Variants in SGCD observed in about 807,000 individuals in gnomAD.
SGCD encodes delta-sarcoglycan.
In SGCD, 18 loss-of-function variants were observed where a neutral mutation model predicts 36.6. The ratio of observed to expected loss-of-function variants is 0.49; its 90% CI spans 0.34 to 0.73. SGCD has a LOEUF of 0.73. SGCD is among the 30% of genes least tolerant of loss of function. The probability of loss-of-function intolerance (pLI) is 0.01; values close to 1 mark genes in which losing one functional copy is unlikely to be tolerated. For missense variants in SGCD, 387 were observed against 346.7 expected (o/e 1.12, Z -0.92); for synonymous variants, 133 against 130.6 (o/e 1.02, Z -0.12).
intron 7 of SGCD, among the ~76,000 whole-genome samples, chr5:156,650,367 G>T (rs545192594): frequency 5.9e-4 from 90 of 152,176 alleles, no homozygotes; most frequent in African/African-American, 2.1e-3. Flanking sequence ...TAGATTCAGG[G>T]ATACACACGC....
chr5:156,557,995 C>T (rs1322547108), intron 4 of SGCD, among the ~76,000 whole-genome samples: 1 of 148,734 alleles, frequency 6.7e-6, no homozygotes, highest in African/African-American at 2.5e-5. Flanking sequence ...TTTTGTATTC[C>T]CAGTGCCTAA....
At chr5:156,301,789 A>T (rs2127684772) in intron 3 of SGCD, among the ~76,000 whole-genome samples, 1 of 151,650 alleles carries the variant, frequency 6.6e-6, no homozygotes, top group African/African-American at 2.4e-5. Flanking sequence ...ATTCTAGGAT[A>T]AAAGTTTTTT....
intron 3 of SGCD, among the ~76,000 whole-genome samples, chr5:156,363,445 T>C (rs997194580): frequency 2.0e-5 from 3 of 152,214 alleles, no homozygotes; most frequent in Admixed American, 6.5e-5. Context: ...AATATGATTT[T>C]GGTATGCTCT....
At chr5:156,690,090 A>G (rs157332) in intron 7 of SGCD, among the ~76,000 whole-genome samples, 139,587 of 152,272 alleles carry the variant, frequency 0.92, 64,159 homozygotes, top group East Asian at 0.99. Flanking sequence ...TGTCTTCCAG[A>G]CACTGTCCTA....
Position 156,520,189 on chromosome 5 carries a change from T to C in SGCD, c.294+11487T>C, listed in dbSNP as rs560811398. On this transcript the variant is annotated intron_variant, in intron 4 of 8. Coordinates refer to ENST00000337851, the MANE Select transcript of SGCD (RefSeq NM_000337.6). ...AAAGTCTCAAGATACAAAATCAATG[T>C]GCAAAAATCACGAGCATTCCTATAC... Among the ~76,000 whole-genome samples the C allele has an allele frequency of 5.3e-5, 8 of 152,318 alleles. No individual in the cohort carries two copies. In the South Asian group the frequency reaches 1.7e-3, roughly 32 times the overall value.
At chr5:156,517,433 G>C (rs958177957) in intron 4 of SGCD, among the ~76,000 whole-genome samples, 1 of 152,128 alleles carries the variant, frequency 6.6e-6, no homozygotes, top group African/African-American at 2.4e-5. Flanking sequence ...ATATCATCCA[G>C]GAGAACTTCC....
intron 3 of SGCD, among the ~76,000 whole-genome samples, chr5:156,375,206 T>A (rs1580892990): frequency 6.6e-6 from 1 of 152,140 alleles, no homozygotes; most frequent in East Asian, 1.9e-4. Flanking sequence ...ATGTGCTTTT[T>A]AAAAAACGAT....
chr5:156,210,670 GA>G (rs1001412930), intron 3 of SGCD, among the ~76,000 whole-genome samples: 8 of 150,370 alleles, frequency 5.3e-5, no homozygotes, highest in East Asian at 3.9e-4. Context: ...TTAATGAAAT[GA>G]AAAAAAATGC....
chr5:156,248,760 T>TG (rs1765502935), intron 3 of SGCD, among the ~76,000 whole-genome samples: 2 of 152,298 alleles, frequency 1.3e-5, no homozygotes, highest in African/African-American at 4.8e-5. Context: ...CAGGAGGCAA[T>TG]GCAAGTTCCT....
intron 1 of SGCD, among the ~76,000 whole-genome samples, chr5:156,061,919 CTTT>C (rs757769130): frequency 0.016 from 1,147 of 71,734 alleles, 47 homozygotes; most frequent in African/African-American, 0.045. Context: ...GGAGTTTTCA[CTTT>C]TTTTTTTTTT....
chr5:156,396,550 C>T (rs923187728), intron 3 of SGCD, among the ~76,000 whole-genome samples: 4 of 152,092 alleles, frequency 2.6e-5, no homozygotes, highest in Non-Finnish European at 5.9e-5. Context: ...GGATGCTGAG[C>T]TTTCTGCCAA....
At chr5:156,190,549 T>C (rs752953060) in intron 3 of SGCD, among the ~76,000 whole-genome samples, 1 of 152,202 alleles carries the variant, frequency 6.6e-6, no homozygotes, top group Non-Finnish European at 1.5e-5. Context: ...ATATCTGCTA[T>C]TATTCCTGCT....
intron 3 of SGCD, among the ~76,000 whole-genome samples, chr5:156,410,925 A>G (rs2127769485): frequency 6.6e-6 from 1 of 152,298 alleles, no homozygotes; most frequent in Admixed American, 6.5e-5. Context: ...AAATGAAAAA[A>G]AAACATACAA....
intron 1 of SGCD, among the ~76,000 whole-genome samples, chr5:155,908,566 C>A (rs62380664): frequency 0.073 from 11,128 of 152,110 alleles, 581 homozygotes; most frequent in Middle Eastern, 0.14. Context: ...CAAGTGATAG[C>A]GAGATTTTTG....
At chr5:155,767,358 G>A in the SGCD span, among the ~76,000 whole-genome samples, 42 of 152,290 alleles carry the variant, frequency 2.8e-4, no homozygotes, top group Non-Finnish European at 5.6e-4. Context: ...CATTGCATCC[G>A]CTTCTCACCC....
intron 1 of SGCD, among the ~76,000 whole-genome samples, chr5:156,020,059 T>G (rs1407825390): frequency 1.3e-5 from 2 of 152,224 alleles, no homozygotes; most frequent in Admixed American, 6.5e-5. Context: ...AGATTTTCCA[T>G]GTCACTTGCC....
chr5:156,569,038 A>G (rs1020184472), intron 4 of SGCD, among the ~76,000 whole-genome samples: 1 of 152,158 alleles, frequency 6.6e-6, no homozygotes, highest in African/African-American at 2.4e-5. Context: ...CTGGATCTGA[A>G]CATTGTATTC....
At chr5:155,733,557 C>A in the SGCD span, among the ~76,000 whole-genome samples, 3 of 152,034 alleles carry the variant, frequency 2.0e-5, no homozygotes, top group African/African-American at 7.2e-5. Context: ...TTTTAAATAA[C>A]CACAGTCATT....
At chr5:156,337,135 A>C (rs1038531837) in intron 2 of SGCD, among the ~76,000 whole-genome samples, 5 of 152,324 alleles carry the variant, frequency 3.3e-5, no homozygotes, top group African/African-American at 1.2e-4. Flanking sequence ...TTACCTAAAA[A>C]CTAATATGGC....
Sources: allele counts gnomAD v4.1 joint callset (sites outside exome capture counted in the v4.1 genomes callset), GRCh38; gene constraint gnomAD v4.1.1; transcripts MANE v1.5; gene names NCBI Gene and HGNC (gene_info 2026-07-23, HGNC 2026-07-21).